GADL1: variants seen among roughly 807,000 people sequenced by gnomAD.
GADL1 encodes the protein GAD like acidic amino acid decarboxylase 1, also known as acidic amino acid decarboxylase GADL1.
GADL1 carries 71 observed loss-of-function variants against 69.5 expected under a neutral mutation model. That is an observed-to-expected ratio of 1.02 (90% CI 0.84 to 1.25). The LOEUF (loss-of-function observed/expected upper bound fraction) is 1.25. Ranked by LOEUF, GADL1 falls within the 50% of genes most tolerant of loss-of-function variation. The pLI, the probability that GADL1 is intolerant of heterozygous loss-of-function variation, is 0.00. For synonymous variants in GADL1, 254 were observed against 214.4 expected, an observed-to-expected ratio of 1.18 and a Z score of -1.62; for missense variants, 737 against 631.8, an observed-to-expected ratio of 1.17 and a Z score of -1.79.
chr3:30,786,438 TC>T (rs1559499535), intron 12 of GADL1, 32 bp from the exon 13 acceptor site: 9 of 1,109,140 alleles, frequency 8.1e-6, no homozygotes, highest in Non-Finnish European at 1.2e-5. Flanking sequence ...ATATTTATAA[TC>T]TGCAATGTAA....
intron 2 of GADL1, among the ~76,000 whole-genome samples, chr3:30,859,556 T>C (rs988065565): frequency 6.6e-6 from 1 of 151,960 alleles, no homozygotes; most frequent in Non-Finnish European, 1.5e-5. Flanking sequence ...TATATAACTA[T>C]TCTAATGAAG....
intron 11 of GADL1, among the ~76,000 whole-genome samples, chr3:30,817,565 C>T (rs1159987002): frequency 6.6e-6 from 1 of 152,100 alleles, no homozygotes; most frequent in East Asian, 1.9e-4. Context: ...ATGTTGCTAC[C>T]TCACAGGCAG....
intron 1 of GADL1, among the ~76,000 whole-genome samples, chr3:30,893,011 C>G (rs1332550189): frequency 6.6e-6 from 1 of 152,160 alleles, no homozygotes; most frequent in African/African-American, 2.4e-5. Flanking sequence ...CCCACCAGCA[C>G]GCCCGGCTAA....
chr3:30,878,307 T>C (rs1698602901), intron 1 of GADL1, among the ~76,000 whole-genome samples: 1 of 151,928 alleles, frequency 6.6e-6, no homozygotes, highest in Non-Finnish European at 1.5e-5. Flanking sequence ...AAAGTGGTCC[T>C]TATTAGTGCT....
intron 14 of GADL1, among the ~76,000 whole-genome samples, chr3:30,738,778 T>G (rs753799882): frequency 2.8e-4 from 43 of 152,138 alleles, no homozygotes; most frequent in African/African-American, 9.2e-4. Flanking sequence ...TATTCATGAG[T>G]TTTTAGCCAC....
intron 1 of GADL1, among the ~76,000 whole-genome samples, chr3:30,863,093 G>A (rs181871208): frequency 6.6e-6 from 1 of 151,078 alleles, no homozygotes; most frequent in African/African-American, 2.4e-5. Flanking sequence ...TCTCTCTCTC[G>A]TAATTTGTCA....
chr3:30,754,647 C>T (rs1199987743), intron 14 of GADL1, among the ~76,000 whole-genome samples: 5 of 151,942 alleles, frequency 3.3e-5, no homozygotes, highest in African/African-American at 1.2e-4. Flanking sequence ...AAAAAACTGC[C>T]TGTGAAATTA....
intron 14 of GADL1, among the ~76,000 whole-genome samples, chr3:30,759,209 G>C (rs1696059922): frequency 6.6e-6 from 1 of 152,110 alleles, no homozygotes; most frequent in South Asian, 2.1e-4. Context: ...TTCTAGGGTA[G>C]GACTTAGACA....
chr3:30,754,979 G>A (rs1040580093), intron 14 of GADL1, among the ~76,000 whole-genome samples: 3 of 152,030 alleles, frequency 2.0e-5, no homozygotes, highest in Admixed American at 1.3e-4. Context: ...AGACCAAAAC[G>A]GGGGAGCACT....
intron 14 of GADL1, among the ~76,000 whole-genome samples, chr3:30,761,729 C>T (rs1266045761): frequency 2.0e-5 from 3 of 151,840 alleles, no homozygotes; most frequent in Non-Finnish European, 1.5e-5. Context: ...GACAAAGTAA[C>T]ATCATTAGAC....
At chr3:30,746,103 C>G (rs541685102) in intron 14 of GADL1, among the ~76,000 whole-genome samples, 1 of 152,112 alleles carries the variant, frequency 6.6e-6, no homozygotes, top group East Asian at 1.9e-4. Flanking sequence ...ATTCTCCTGT[C>G]TCAGCCTCCC....
chr3:30,854,871 T>A (rs1249958166), intron 3 of GADL1, 82 bp from the exon 4 acceptor site: 3 of 725,478 alleles, frequency 4.1e-6, no homozygotes, highest in Non-Finnish European at 7.0e-6. Flanking sequence ...AATGAATCTT[T>A]CAGAAAATGA....
At chr3:30,801,546 T>A (rs914687167) in intron 11 of GADL1, among the ~76,000 whole-genome samples, 2 of 152,114 alleles carry the variant, frequency 1.3e-5, no homozygotes, top group Admixed American at 1.3e-4. Context: ...AGACCCAACA[T>A]AACTCAGGGA....
chr3:30,863,056 C>T (rs999419490), intron 1 of GADL1, among the ~76,000 whole-genome samples: 6 of 115,590 alleles, frequency 5.2e-5, no homozygotes, highest in Non-Finnish European at 1.0e-4. Flanking sequence ...CACACACACT[C>T]TCTCTCACAC....
chr3:30,787,339 G>C (rs2125500372), intron 12 of GADL1, among the ~76,000 whole-genome samples: 1 of 152,242 alleles, frequency 6.6e-6, no homozygotes, highest in East Asian at 1.9e-4. Context: ...ATATGAGTGA[G>C]AAAAGACTAA....
chr3:30,888,087 T>C (rs1698733676), intron 1 of GADL1, among the ~76,000 whole-genome samples: 1 of 152,330 alleles, frequency 6.6e-6, no homozygotes, highest in Admixed American at 6.5e-5. Flanking sequence ...TAAGTAGTTG[T>C]TATACTGTAT....
At chr3:30,749,405 T>A (rs1656601971) in intron 14 of GADL1, among the ~76,000 whole-genome samples, 1 of 152,238 alleles carries the variant, frequency 6.6e-6, no homozygotes, top group African/African-American at 2.4e-5. Context: ...GGAGTGTCTC[T>A]CACTTTCTCT....
chr3:30,818,058 C>T (rs904223908), intron 11 of GADL1, among the ~76,000 whole-genome samples: 5 of 152,168 alleles, frequency 3.3e-5, no homozygotes, highest in African/African-American at 1.2e-4. Context: ...ATTGTAGACA[C>T]AATTTAGCCT....
chr3:30,805,981 G>C (rs1158540549), intron 11 of GADL1, among the ~76,000 whole-genome samples: 1 of 151,900 alleles, frequency 6.6e-6, no homozygotes, highest in Non-Finnish European at 1.5e-5. Flanking sequence ...AGCTCAGGTG[G>C]TAATGCTTGC....
Sources: allele counts gnomAD v4.1 joint callset (sites outside exome capture counted in the v4.1 genomes callset), GRCh38; gene constraint gnomAD v4.1.1; transcripts MANE v1.5; gene names NCBI Gene and HGNC (gene_info 2026-07-23, HGNC 2026-07-21).